The following CFAP69 variants were observed in gnomAD, a reference collection of about 807,000 sequenced individuals.
CFAP69 encodes cilia and flagella associated protein 69, also known as cilia- and flagella-associated protein 69.
CFAP69 carries 92 observed loss-of-function variants against 123.0 expected under a neutral mutation model. The observed-to-expected ratio is 0.75, with a 90% CI of 0.63 to 0.89. The LOEUF (loss-of-function observed/expected upper bound fraction) is 0.89, where lower values mean the gene tolerates loss of function less well. Among genes scored for constraint, CFAP69 ranks in the 40% least tolerant of loss-of-function variants. CFAP69 has a pLI of 0.00. For missense variants in CFAP69, 1,067 were observed against 1,096.9 expected (o/e 0.97, Z 0.39); for synonymous variants, 380 against 364.3 (o/e 1.04, Z -0.49).
intron 16 of CFAP69, 39 bp downstream of exon 16, chr7:90,297,869 T>C (rs745580076): frequency 5.0e-6 from 7 of 1,404,104 alleles, no homozygotes; most frequent in Non-Finnish European, 6.9e-6. Flanking sequence ...AAAAGACAAA[T>C]ATGTCTATTA....
chr7:90,309,142 C>T (rs1420203059), intron 21 of CFAP69, 121 bp from the exon 22 acceptor site: 11 of 488,830 alleles, frequency 2.3e-5, no homozygotes, highest in South Asian at 9.1e-5. Context: ...CAGATTTCAG[C>T]GCTATCTAAT....
chr7:90,272,328 C>A (rs1800072904), intron 8 of CFAP69: 1 of 162,168 alleles, frequency 6.2e-6, no homozygotes, highest in South Asian at 1.9e-4. Context: ...CTTCAAGTTG[C>A]TTCTTCACTT....
intron 1 of CFAP69, among the ~76,000 whole-genome samples, chr7:90,246,911 G>A (rs1351514843): frequency 6.6e-6 from 1 of 151,780 alleles, no homozygotes; most frequent in African/African-American, 2.4e-5. Context: ...GTGTATATGT[G>A]TGTGCATTTT....
At chr7:90,265,920 TAGAG>T (rs1799097133) in intron 5 of CFAP69, 2 of 152,150 alleles carry the variant, frequency 1.3e-5, no homozygotes, top group Non-Finnish European at 1.5e-5. Context: ...CTTGATTTTC[TAGAG>T]AAAGAAAACA....
chr7:90,259,366 G>A (rs17867601), intron 3 of CFAP69, among the ~76,000 whole-genome samples: 4,387 of 152,272 alleles, frequency 0.029, 95 homozygotes, highest in South Asian at 0.11. Context: ...CAAAGATTTT[G>A]ACACTATACT....
At chr7:90,288,396 T>C (rs779114708) in intron 15 of CFAP69, 44 bp downstream of exon 15, 3 of 1,587,078 alleles carry the variant, frequency 1.9e-6, no homozygotes, top group Non-Finnish European at 2.6e-6. Flanking sequence ...ACAGCAGTCA[T>C]GCATCACTTT....
chr7:90,290,654 A>G (rs370767807), intron 15 of CFAP69, among the ~76,000 whole-genome samples: 1 of 152,194 alleles, frequency 6.6e-6, no homozygotes, highest in Non-Finnish European at 1.5e-5. Flanking sequence ...CATTTCATAT[A>G]CCAGCCTCTA....
chr7:90,277,116 A>G lies in CFAP69; in HGVS notation c.1028A>G (p.Asn343Ser), dbSNP rs1788731592. 6.3e-7 allele frequency: 1 copy of G among 1,580,102 alleles called. No homozygotes were observed. Among genetic ancestry groups the G allele is most frequent in the African/African-American group, 1.4e-5 (1 of 73,662 alleles). ...TKDLILFATF[N>S]EVKSQNLLVK... ...GATTTGATACTGTTTGCCACCTTTA[A>G]TGAAGGTAAAAAGAATAAAACTTTA... Residue 343 changes from asparagine (N) to serine (S), a missense_variant, in exon 10 of 23, where the codon AAT (asparagine) becomes AGT (serine). Coordinates refer to ENST00000389297, the MANE Select transcript of CFAP69 (RefSeq NM_001039706.3).
At chr7:90,250,605 C>T (rs1227059353) in intron 1 of CFAP69, among the ~76,000 whole-genome samples, 3 of 152,176 alleles carry the variant, frequency 2.0e-5, no homozygotes, top group Non-Finnish European at 2.9e-5. Flanking sequence ...ATTTATTAAA[C>T]TTTTGATCTT....
chr7:90,266,770 A>C (rs1584376808), intron 5 of CFAP69, among the ~76,000 whole-genome samples: 1 of 152,166 alleles, frequency 6.6e-6, no homozygotes, highest in Non-Finnish European at 1.5e-5. Flanking sequence ...ACATTAATTT[A>C]AACTAAAATA....
chr7:90,264,129 ATATATATATATATATATATATG>A (rs1289275232), intron 4 of CFAP69, among the ~76,000 whole-genome samples: 1 of 123,518 alleles, frequency 8.1e-6, no homozygotes, highest in African/African-American at 3.1e-5. Flanking sequence ...ATATATATAT[ATATATATATATATATATATATG>A]AATTAAAAGT....
chr7:90,321,425 GC>G, the CFAP69 span: 1 of 152,698 alleles, frequency 6.5e-6, no homozygotes, highest in African/African-American at 2.4e-5. Context: ...GACCTCGGGG[GC>G]CTCTGCGCCC....
chr7:90,300,192 A>G, intron 17 of CFAP69, 133 bp downstream of exon 17: 1 of 1,182,130 alleles, frequency 8.5e-7, no homozygotes, highest in Non-Finnish European at 1.1e-6. Flanking sequence ...CAAGGGTTTG[A>G]AAAATTTGCT....
At chr7:90,281,419 A>G (rs1278580530) in intron 12 of CFAP69, among the ~76,000 whole-genome samples, 2 of 152,148 alleles carry the variant, frequency 1.3e-5, no homozygotes, top group Admixed American at 1.3e-4. Context: ...CGATAAAGCT[A>G]TAGTAATTAA....
intron 4 of CFAP69, 63 bp downstream of exon 4, chr7:90,262,119 A>G (rs1008026583): frequency 2.9e-6 from 3 of 1,048,752 alleles, no homozygotes; most frequent in Non-Finnish European, 2.8e-6. Flanking sequence ...TGTTTCTTAT[A>G]TCACAAACAT....
chr7:90,307,713 CAA>C (rs35441907), intron 20 of CFAP69, 53 bp from the exon 21 acceptor site: 12,936 of 964,356 alleles, frequency 0.013, no homozygotes, highest in South Asian at 0.021. Flanking sequence ...GGTTCTGTCT[CAA>C]AAAAAAAAAA....
Position 90,271,667 on chromosome 7 carries a change from C to T in CFAP69, c.674C>T (p.Ser225Leu). ...LWVLKVLQHL[S>L]TSEVNCTIMM... ...GTACTTAAAGTTCTGCAGCATCTCT[C>T]AACTTCTGGTTTGTATATTATTAAG... Residue 225 changes from serine to leucine, a missense_variant, in exon 7 of 23, where the codon TCA (serine) becomes TTA (leucine). Ser to Leu is a moderately radical substitution (Grantham distance 145). Transcript: ENST00000389297. 1 of 1,613,170 alleles carries T rather than the reference C, an allele frequency of 6.2e-7. No individual in the cohort carries two copies. The highest frequency in any genetic ancestry group is 8.5e-7 in the Non-Finnish European group (1 of 1,179,516).
At chr7:90,289,189 GA>G (rs1790739474) in intron 15 of CFAP69, among the ~76,000 whole-genome samples, 1 of 151,864 alleles carries the variant, frequency 6.6e-6, no homozygotes, top group Non-Finnish European at 1.5e-5. Context: ...AAAATGCCCA[GA>G]TCTGGGCATT....
At chr7:90,307,727 A>G (rs1000759179) in intron 20 of CFAP69, 41 bp from the exon 21 acceptor site, 1 of 1,395,744 alleles carries the variant, frequency 7.2e-7, no homozygotes, top group African/African-American at 1.5e-5. Context: ...AAAAAAAAAG[A>G]AAAAAAAGAA....
Sources: allele counts gnomAD v4.1 joint callset (sites outside exome capture counted in the v4.1 genomes callset), GRCh38; gene constraint gnomAD v4.1.1; transcripts MANE v1.5; gene names NCBI Gene and HGNC (gene_info 2026-07-23, HGNC 2026-07-21).